CDH13: variants seen among roughly 807,000 people sequenced by gnomAD.
The protein encoded by CDH13 is cadherin-13.
Under a neutral mutation model 63.8 loss-of-function variants are expected in CDH13, and 24 were observed. That is an observed-to-expected ratio of 0.38 (90% CI 0.27 to 0.53). The LOEUF (loss-of-function observed/expected upper bound fraction) is 0.53, where lower values mean the gene tolerates loss of function less well. Among genes scored for constraint, CDH13 ranks in the 20% least tolerant of loss-of-function variants. The pLI, the probability that CDH13 is intolerant of heterozygous loss-of-function variation, is 0.85. For missense variants in CDH13, 1,049 were observed against 903.1 expected, an observed-to-expected ratio of 1.16 and a Z score of -2.07; for synonymous variants, 503 against 355.3, an observed-to-expected ratio of 1.42 and a Z score of -4.67.
intron 1 of CDH13, among the ~76,000 whole-genome samples, chr16:82,708,299 G>A (rs1461671652): frequency 1.3e-5 from 2 of 152,124 alleles, no homozygotes; most frequent in African/African-American, 4.8e-5. Context: ...GAGAGAAGGA[G>A]GAGAGAATGG....
At chr16:82,812,759 C>T (rs543472630) in intron 1 of CDH13, among the ~76,000 whole-genome samples, 1 of 151,936 alleles carries the variant, frequency 6.6e-6, no homozygotes, top group Non-Finnish European at 1.5e-5. Flanking sequence ...GTAGAGAAAA[C>T]AAAGTTTTTT....
intron 2 of CDH13, chr16:82,953,364 C>T (rs998689942): frequency 2.0e-5 from 3 of 152,132 alleles, no homozygotes; most frequent in African/African-American, 7.2e-5. Flanking sequence ...TTTATTAGAT[C>T]ACCAGTGACC....
At chr16:83,326,840 C>T (rs115444498) in intron 5 of CDH13, among the ~76,000 whole-genome samples, 2,288 of 152,192 alleles carry the variant, frequency 0.015, 19 homozygotes, top group Middle Eastern at 0.034. Flanking sequence ...TGTCATGTGC[C>T]CTGTCTGTAC....
intron 5 of CDH13, among the ~76,000 whole-genome samples, chr16:83,332,474 A>G (rs965088797): frequency 6.6e-6 from 1 of 152,238 alleles, no homozygotes; most frequent in African/African-American, 2.4e-5. Context: ...TAAACTTAAA[A>G]AAAAGGTATT....
intron 8 of CDH13, 93 bp from the exon 9 acceptor site, chr16:83,670,697 G>A: frequency 2.9e-6 from 3 of 1,036,592 alleles, no homozygotes. Flanking sequence ...ATTTTTAAGT[G>A]AGATGATGTG....
intron 4 of CDH13, among the ~76,000 whole-genome samples, chr16:83,202,556 C>A (rs990681986): frequency 1.3e-5 from 2 of 152,106 alleles, no homozygotes; most frequent in African/African-American, 2.4e-5. Context: ...GTCAGGATTT[C>A]GGATGAAAAT....
At chr16:83,667,457 G>A (rs575030267) in intron 8 of CDH13, among the ~76,000 whole-genome samples, 26 of 151,470 alleles carry the variant, frequency 1.7e-4, no homozygotes, top group Non-Finnish European at 2.5e-4. Flanking sequence ...CCACCCATCC[G>A]TCTATCCATC....
At chr16:83,667,898 A>T (rs991594723) in intron 8 of CDH13, among the ~76,000 whole-genome samples, 1 of 152,148 alleles carries the variant, frequency 6.6e-6, no homozygotes, top group African/African-American at 2.4e-5. Context: ...CCTGGGCTCA[A>T]GTGATCCTCC....
chr16:83,433,578 T>C (rs1375281207), intron 6 of CDH13, among the ~76,000 whole-genome samples: 1 of 152,202 alleles, frequency 6.6e-6, no homozygotes, highest in Non-Finnish European at 1.5e-5. Context: ...TGTTCATTTT[T>C]GTGAGCTTGG....
At chr16:83,103,019 C>G (rs973581155) in intron 3 of CDH13, among the ~76,000 whole-genome samples, 4 of 119,516 alleles carry the variant, frequency 3.3e-5, no homozygotes, top group African/African-American at 9.6e-5. Context: ...GTGGCACAAT[C>G]TCAGCTCACT....
intron 7 of CDH13, among the ~76,000 whole-genome samples, chr16:83,594,012 A>G (rs1431179977): frequency 2.6e-5 from 4 of 152,216 alleles, no homozygotes; most frequent in Non-Finnish European, 5.9e-5. Context: ...GGCATTTCTT[A>G]GCTATACTCT....
At chr16:82,976,388 C>T (rs1317291872) in intron 2 of CDH13, among the ~76,000 whole-genome samples, 22 of 152,186 alleles carry the variant, frequency 1.4e-4, no homozygotes, top group Admixed American at 1.1e-3. Context: ...TCAACTGTAA[C>T]GGTGGATTCC....
chr16:82,876,904 A>C (rs2040525046), intron 2 of CDH13, among the ~76,000 whole-genome samples: 1 of 152,200 alleles, frequency 6.6e-6, no homozygotes, highest in Non-Finnish European at 1.5e-5. Flanking sequence ...ACCATAGAAA[A>C]AAAGTATCTG....
chr16:83,595,096 T>C (rs1266676875), intron 7 of CDH13, among the ~76,000 whole-genome samples: 1 of 152,258 alleles, frequency 6.6e-6, no homozygotes, highest in African/African-American at 2.4e-5. Context: ...CTCTCTTAGA[T>C]ATGTCTTACA....
chr16:83,170,215 A>T (rs1378906592), intron 4 of CDH13, among the ~76,000 whole-genome samples: 1 of 152,104 alleles, frequency 6.6e-6, no homozygotes, highest in Non-Finnish European at 1.5e-5. Flanking sequence ...TCTAAAATAC[A>T]CACAGGTTTC....
At chr16:83,670,654 T>C (rs1914418544) in intron 8 of CDH13, 136 bp from the exon 9 acceptor site, 2 of 815,446 alleles carry the variant, frequency 2.5e-6, no homozygotes, top group Admixed American at 2.2e-5. Context: ...GAGCATAGTA[T>C]CTTCCAACCG....
At chr16:83,301,329 T>C (rs540758970) in intron 5 of CDH13, among the ~76,000 whole-genome samples, 1 of 152,164 alleles carries the variant, frequency 6.6e-6, no homozygotes, top group Admixed American at 6.5e-5. Context: ...CCGCACCTGG[T>C]CAGGGTTTTA....
intron 5 of CDH13, among the ~76,000 whole-genome samples, chr16:83,243,858 C>T (rs892569130): frequency 6.6e-6 from 1 of 152,152 alleles, no homozygotes; most frequent in Non-Finnish European, 1.5e-5. Context: ...CTATTGAACA[C>T]ACACTTTATC....
chr16:83,693,455 C>T (rs1049929035), intron 10 of CDH13, among the ~76,000 whole-genome samples: 9 of 152,126 alleles, frequency 5.9e-5, no homozygotes, highest in Non-Finnish European at 1.5e-5. Context: ...GTTTTCATGC[C>T]TTGTGGATTA....
Sources: allele counts gnomAD v4.1 joint callset (sites outside exome capture counted in the v4.1 genomes callset), GRCh38; gene constraint gnomAD v4.1.1; transcripts MANE v1.5; gene names NCBI Gene and HGNC (gene_info 2026-07-23, HGNC 2026-07-21).